Variants in KTN1 observed in about 807,000 individuals in gnomAD.
The protein encoded by KTN1 is kinectin 1.
A neutral mutation model predicts 222.5 loss-of-function variants in KTN1; 130 were observed. The observed-to-expected ratio is 0.58, with a 90% CI of 0.51 to 0.68. KTN1 has a LOEUF of 0.68. Among genes scored for constraint, KTN1 ranks in the 30% least tolerant of loss-of-function variants. The probability of loss-of-function intolerance (pLI) is 0.00; values close to 1 mark genes in which losing one functional copy is unlikely to be tolerated. For synonymous variants in KTN1, 512 were observed against 496.3 expected (o/e 1.03, Z -0.42); for missense variants, 1,508 against 1,500.4 (o/e 1.01, Z -0.08).
At chr14:55,600,187 C>T (rs758687626) in intron 1 of KTN1, among the ~76,000 whole-genome samples, 72 of 150,666 alleles carry the variant, frequency 4.8e-4, no homozygotes, top group Non-Finnish European at 9.3e-4. Flanking sequence ...TTTAGTACTT[C>T]CATTGTTGAG....
chr14:55,619,802 G>A (rs966821297), intron 5 of KTN1, among the ~76,000 whole-genome samples: 5 of 151,900 alleles, frequency 3.3e-5, no homozygotes, highest in African/African-American at 1.2e-4. Flanking sequence ...ATTTGGGTGG[G>A]GACACAGCCA....
At chr14:55,593,446 C>CCAA (rs1555357160) in intron 1 of KTN1, among the ~76,000 whole-genome samples, 30 of 120,576 alleles carry the variant, frequency 2.5e-4, no homozygotes, top group South Asian at 5.8e-4. Context: ...ACCCCCCCCC[C>CCAA]AAAAAAAAAA....
rs1197127120 is a variant in KTN1, at chr14:55,617,973, A to G, written c.671A>G (p.Asp224Gly). Reference sequence around the variant, plus strand: ...TGAACTTAAATTGCAGTCTTCGTAGATGAACCCCTTATTCATGCAACTACT... The same window carrying G: ...TGAACTTAAATTGCAGTCTTCGTAGGTGAACCCCTTATTCATGCAACTACT... ...KKQKTENVFV[D>G]EPLIHATTYI... The change falls in exon 4 of 44, where the codon GAT becomes GGT. Residue 224 changes from aspartate (D) to glycine (G), a missense_variant. Physicochemically the swap from Asp to Gly is moderately conservative, Grantham distance 94 (BLOSUM62 -1). Coordinates refer to ENST00000395314, the MANE Select transcript of KTN1 (RefSeq NM_001079521.2). 3.2e-6 allele frequency: 5 copies of G among 1,583,830 alleles called. No individual in the cohort carries two copies. The highest frequency in any genetic ancestry group is 4.3e-6 in the Non-Finnish European group (5 of 1,168,328).
chr14:55,623,872 T>C (rs990996168), intron 5 of KTN1, among the ~76,000 whole-genome samples: 1 of 152,236 alleles, frequency 6.6e-6, no homozygotes. Context: ...AGTGTCTCTC[T>C]TCTAATGAAA....
chr14:55,647,089 T>C (rs2141066594), intron 19 of KTN1, 82 bp downstream of exon 19: 9 of 918,000 alleles, frequency 9.8e-6, no homozygotes, highest in Non-Finnish European at 1.6e-5. Context: ...TAAAATTCTC[T>C]TTAAACTTTG....
At chr14:55,636,425 C>G in intron 9 of KTN1, 24 bp from the exon 10 acceptor site, 1 of 1,553,138 alleles carries the variant, frequency 6.4e-7, no homozygotes, top group South Asian at 1.2e-5. Context: ...CTAATTTATC[C>G]TTTCTCCCTT....
chr14:55,639,995 G>C lies in KTN1; in HGVS notation c.1906G>C (p.Glu636Gln), dbSNP rs1243171004. The change falls in exon 14 of 44, where the codon GAA (glutamate) becomes CAA (glutamine). Residue 636 changes from glutamate (E) to glutamine (Q), a missense_variant. By Grantham distance (29) the Glu-to-Gln change is conservative. Coordinates refer to ENST00000395314, the MANE Select transcript of KTN1 (RefSeq NM_001079521.2). ...ERDRLTSKEEELKDIQNMNFL... is the reference protein window; with the variant it reads ...ERDRLTSKEEQLKDIQNMNFL... ...TGATCGTTTAACAAGTAAAGAAGAG[G>C]AACTTAAGGTATAGTAATTTGTATA... The C allele has an allele frequency of 1.3e-6, 2 of 1,583,236 alleles. No individual in the cohort carries two copies. The highest frequency in any genetic ancestry group is 2.7e-5 in the African/African-American group (2 of 74,224).
rs1566788755 is a variant in KTN1 at position 55,646,493 on chromosome 14, T to C, written c.2173-480T>C. On this transcript the variant is annotated intron_variant, in intron 18 of 43. Coordinates refer to ENST00000395314, the MANE Select transcript of KTN1 (RefSeq NM_001079521.2). Reference sequence around the variant, plus strand: ...TCCTTTCCTTTCCTTTCCTTTCCTTTCCTTTCCTTTCCTTTCCTTTCCTTT... The same window carrying C: ...TCCTTTCCTTTCCTTTCCTTTCCTTCCCTTTCCTTTCCTTTCCTTTCCTTT... 8.8e-3 allele frequency among the ~76,000 whole-genome samples: 955 copies of C among 108,134 alleles called. 18 individuals carry two copies. Among genetic ancestry groups the C allele is most frequent in the African/African-American group, 0.011 (291 of 26,772 alleles). 70.9% of individuals were successfully genotyped at this position (108,134 alleles called of 152,430 possible). A position where few individuals can be genotyped will look rare whatever the true frequency, so the allele number is the denominator to read the frequency against.
At chr14:55,639,265 C>G (rs2041502598) in intron 13 of KTN1, 43 bp downstream of exon 13, 2 of 1,345,216 alleles carry the variant, frequency 1.5e-6, no homozygotes, top group South Asian at 2.4e-5. Context: ...GTAGTCACCA[C>G]TAACTGATAC....
At chr14:55,683,545 T>C (rs2046543962) in intron 43 of KTN1, 1 of 152,122 alleles carries the variant, frequency 6.6e-6, no homozygotes, top group Non-Finnish European at 1.5e-5. Flanking sequence ...TCACATTTTG[T>C]CAATTGTACC....
chr14:55,605,481 A>G (rs1420465083), intron 1 of KTN1, among the ~76,000 whole-genome samples: 1 of 152,186 alleles, frequency 6.6e-6, no homozygotes, highest in Non-Finnish European at 1.5e-5. Context: ...AGTCCACCAA[A>G]GAGGTTATGC....
At chr14:55,619,991 C>G (rs1191073281) in intron 5 of KTN1, among the ~76,000 whole-genome samples, 1 of 152,060 alleles carries the variant, frequency 6.6e-6, no homozygotes, top group African/African-American at 2.4e-5. Context: ...CCTGTAAAAT[C>G]AGAAGCAACT....
At chr14:55,615,904 T>C (rs970694867) in intron 2 of KTN1, among the ~76,000 whole-genome samples, 62 of 148,544 alleles carry the variant, frequency 4.2e-4, no homozygotes, top group Non-Finnish European at 7.9e-4. Context: ...CTCTCTCTCT[T>C]TTCTTTCTTC....
chr14:55,668,991 G>A (rs1441084457), intron 34 of KTN1, among the ~76,000 whole-genome samples: 3 of 152,026 alleles, frequency 2.0e-5, no homozygotes, highest in Non-Finnish European at 4.4e-5. Context: ...CTGAGTAAAC[G>A]TATAGATACA....
In KTN1 at chr14:55,679,720, A is replaced by C. The variant is rs759923442; in HGVS notation, c.4069+35A>C. 12 of 1,597,152 alleles carry C rather than the reference A, an allele frequency of 7.5e-6. No individual in the cohort carries two copies. In the Admixed American group the frequency reaches 1.3e-4, roughly 18 times the overall value. ...ACTGAAATATTGCTGTCTATGGGTA[A>C]TTGATGTTATGTGTCTGTGTAATGT... On this transcript the variant is annotated intron_variant, in intron 43 of 43. Coordinates refer to ENST00000395314, the MANE Select transcript of KTN1 (RefSeq NM_001079521.2).
intron 1 of KTN1, among the ~76,000 whole-genome samples, chr14:55,599,491 GTC>G (rs1356322079): frequency 6.6e-6 from 1 of 151,764 alleles, no homozygotes; most frequent in Non-Finnish European, 1.5e-5. Context: ...TTGAGACAGA[GTC>G]TCGTTCTGTT....
Position 55,660,216 on chromosome 14 carries a change from C to T in KTN1, c.2999+513C>T, listed in dbSNP as rs150846516. 2.2e-3 allele frequency among the ~76,000 whole-genome samples: 334 copies of T among 152,012 alleles called. 3 individuals are homozygous for T. Among genetic ancestry groups the T allele is most frequent in the African/African-American group, 7.4e-3 (307 of 41,432 alleles). ...GCAACATAGTCAGACCTCGTCTCTA[C>T]GAAAAGTTTAGAAATTCCGGGTGTG... On this transcript the variant is annotated intron_variant, in intron 31 of 43. Coordinates refer to ENST00000395314, the MANE Select transcript of KTN1 (RefSeq NM_001079521.2).
rs765862541 is a variant in KTN1 at position 55,652,855 on chromosome 14, A to G, written c.2609A>G (p.Lys870Arg). ...SKVQELQNLL[K>R]GKEEQMNTMK... is the part of the protein sequence containing the mutation. Reference sequence around the variant, plus strand: ...TCTGATTAATTTATTATCAGATTAAAAGGAAAAGAGGAACAGATGAATACC... The same window carrying G: ...TCTGATTAATTTATTATCAGATTAAGAGGAAAAGAGGAACAGATGAATACC... The change falls in exon 26 of 44, where the codon AAA becomes AGA. Residue 870 changes from lysine (K) to arginine (R), a missense_variant. Lys to Arg is a conservative substitution (Grantham distance 26, BLOSUM62 2). Transcript: ENST00000395314. The G allele has an allele frequency of 1.3e-6, 2 of 1,592,256 alleles. No individual in the cohort carries two copies. The highest frequency in any genetic ancestry group is 1.7e-6 in the Non-Finnish European group (2 of 1,168,322).
At chr14:55,590,620 C>T (rs1343274610) in intron 1 of KTN1, among the ~76,000 whole-genome samples, 1 of 150,814 alleles carries the variant, frequency 6.6e-6, no homozygotes, top group African/African-American at 2.4e-5. Context: ...AAATGGAATC[C>T]TTCTGTATGA....
Sources: allele counts gnomAD v4.1 joint callset (sites outside exome capture counted in the v4.1 genomes callset), GRCh38; gene constraint gnomAD v4.1.1; transcripts MANE v1.5; gene names NCBI Gene and HGNC (gene_info 2026-07-23, HGNC 2026-07-21).